Variants in PHC2 observed in about 807,000 individuals in gnomAD.
The protein encoded by PHC2 is polyhomeotic homolog 2, also known as polyhomeotic-like protein 2.
PHC2 carries 29 observed loss-of-function variants against 87.4 expected under a neutral mutation model. That is an observed-to-expected ratio of 0.33 (90% CI 0.25 to 0.45). The LOEUF (loss-of-function observed/expected upper bound fraction) is 0.45, where lower values mean the gene tolerates loss of function less well. Ranked by LOEUF, PHC2 falls within the 20% of genes least tolerant of loss-of-function variation. PHC2 has a pLI of 1.00. For synonymous variants in PHC2, 438 were observed against 461.7 expected (o/e 0.95, Z 0.66); for missense variants, 857 against 1,136.7 (o/e 0.75, Z 3.54).
At chr1:33,375,163 G>A (rs745474163) in intron 2 of PHC2, among the ~76,000 whole-genome samples, 8 of 152,162 alleles carry the variant, frequency 5.3e-5, no homozygotes, top group Non-Finnish European at 1.2e-4. Flanking sequence ...TTTCACACAC[G>A]TGTCCTCCAA....
intron 1 of PHC2, among the ~76,000 whole-genome samples, chr1:33,412,943 CTTGTT>C (rs1650041111): frequency 1.4e-5 from 2 of 145,274 alleles, no homozygotes; most frequent in African/African-American, 5.6e-5. Flanking sequence ...TACATATGGA[CTTGTT>C]TTTTTTTTGT....
intron 9 of PHC2, chr1:33,346,824 A>G: frequency 1.0e-6 from 1 of 985,352 alleles, no homozygotes; most frequent in Non-Finnish European, 1.2e-6. Flanking sequence ...CCCTTTACAC[A>G]TTCACAATAG....
intron 1 of PHC2, among the ~76,000 whole-genome samples, chr1:33,393,377 T>A (rs1557843735): frequency 6.6e-6 from 1 of 151,878 alleles, no homozygotes; most frequent in Non-Finnish European, 1.5e-5. Context: ...AGTGCATTCT[T>A]CCTGGTGCTG....
intron 1 of PHC2, among the ~76,000 whole-genome samples, chr1:33,427,136 T>A (rs542739625): frequency 6.6e-6 from 1 of 152,304 alleles, no homozygotes; most frequent in African/African-American, 2.4e-5. Context: ...GGCAATTTAC[T>A]TAGTCTTTCC....
intron 5 of PHC2, 71 bp downstream of exon 5, chr1:33,370,343 TCCAGCTC>T (rs1168387207): frequency 3.6e-6 from 5 of 1,404,148 alleles, no homozygotes; most frequent in South Asian, 2.6e-5. Flanking sequence ...CCCACCCTTC[TCCAGCTC>T]CCAGCTCCCA....
chr1:33,401,980 A>C (rs1570508755), intron 1 of PHC2, among the ~76,000 whole-genome samples: 1 of 152,334 alleles, frequency 6.6e-6, no homozygotes, highest in East Asian at 1.9e-4. Context: ...GATACATTTG[A>C]CTACATTAAA....
At position 33,416,975 on chromosome 1, in the gene PHC2, A is replaced by G. The variant is rs191691324; in HGVS notation, c.-55+14001T>C. On this transcript the variant is annotated intron_variant, in intron 1 of 14. Transcript: ENST00000683057. ...AACATGTTAAATAAAATACATGACAATAACTCAAAGGACCAGAAGGGAAAA... is the reference window on the plus strand; with the variant it reads ...AACATGTTAAATAAAATACATGACAGTAACTCAAAGGACCAGAAGGGAAAA... Among the ~76,000 whole-genome samples the G allele has an allele frequency of 2.6e-5, 4 of 152,268 alleles. No homozygotes were observed. The East Asian group carries it at 5.8e-4, about 22-fold the overall frequency.
intron 1 of PHC2, among the ~76,000 whole-genome samples, chr1:33,417,982 G>A (rs963857077): frequency 6.6e-6 from 1 of 152,026 alleles, no homozygotes; most frequent in African/African-American, 2.4e-5. Flanking sequence ...AATAACTCAT[G>A]GGTCAAAGAA....
At chr1:33,330,919 C>T (rs185934587) in intron 12 of PHC2, among the ~76,000 whole-genome samples, 24 of 152,356 alleles carry the variant, frequency 1.6e-4, no homozygotes, top group Middle Eastern at 3.4e-3. Flanking sequence ...TTGACTGGCA[C>T]AGTGACTAGC....
chr1:33,395,892 G>A (rs1361583076), intron 1 of PHC2, among the ~76,000 whole-genome samples: 2 of 152,080 alleles, frequency 1.3e-5, no homozygotes, highest in Non-Finnish European at 2.9e-5. Flanking sequence ...CTGAAACATT[G>A]GAATAAATGT....
At chr1:33,329,332 T>C (rs1646438710) in intron 13 of PHC2, among the ~76,000 whole-genome samples, 186 bp from the exon 14 acceptor site, 2 of 152,208 alleles carry the variant, frequency 1.3e-5, no homozygotes, top group African/African-American at 4.8e-5. Context: ...CTTAGTATTG[T>C]AGTGTCTACC....
rs1369580037 is a variant in PHC2 at position 33,382,498 on chromosome 1, CCCATT to C, written c.-54-6910_-54-6906del. On this transcript the variant is annotated intron_variant, in intron 1 of 14. Transcript: ENST00000683057. This position sits in a 1 kb window ranked among gnomAD's most constrained non-coding sequence, Gnocchi z 4.3. Reference sequence around the variant, plus strand: ...CCAAGGCCACCCATCCCTGCGGACTCCCATTATAAATCACAGCCAAATCTCATTAA... The same window carrying C: ...CCAAGGCCACCCATCCCTGCGGACTCATAAATCACAGCCAAATCTCATTAA... 1.3e-5 allele frequency among the ~76,000 whole-genome samples: 2 copies of C among 152,158 alleles called. No individual in the cohort carries two copies. Among genetic ancestry groups the C allele is most frequent in the African/African-American group, 4.8e-5 (2 of 41,418 alleles).
chr1:33,410,691 G>A (rs1649947615), intron 1 of PHC2, among the ~76,000 whole-genome samples: 1 of 152,166 alleles, frequency 6.6e-6, no homozygotes, highest in Admixed American at 6.5e-5. Context: ...CTTAATGGAA[G>A]ATTAAATCAG....
At chr1:33,356,868 C>T (rs1647098811) in intron 7 of PHC2, among the ~76,000 whole-genome samples, 1 of 151,918 alleles carries the variant, frequency 6.6e-6, no homozygotes, top group Admixed American at 6.5e-5. Context: ...ACAGGGCGGC[C>T]AGGCAGAGGC....
intron 4 of PHC2, 123 bp from the exon 5 acceptor site, chr1:33,370,708 C>T (rs1477869537): frequency 2.1e-6 from 2 of 970,868 alleles, no homozygotes; most frequent in African/African-American, 1.6e-5. Context: ...TCAGGAACGT[C>T]TGTGGTCCTT....
intron 9 of PHC2, among the ~76,000 whole-genome samples, chr1:33,343,460 CTCTG>C (rs1451493160): frequency 2.5e-5 from 3 of 118,118 alleles, no homozygotes; most frequent in Non-Finnish European, 5.1e-5. Flanking sequence ...CAGAGCAAGA[CTCTG>C]TCTCAAAAAA....
At chr1:33,412,869 G>A (rs1026652119) in intron 1 of PHC2, among the ~76,000 whole-genome samples, 1 of 152,176 alleles carries the variant, frequency 6.6e-6, no homozygotes, top group Non-Finnish European at 1.5e-5. Context: ...TTAGTCACAA[G>A]CCAAAGTAAA....
chr1:33,337,039 T>C (rs1646652323), intron 9 of PHC2, among the ~76,000 whole-genome samples: 1 of 152,260 alleles, frequency 6.6e-6, no homozygotes, highest in Non-Finnish European at 1.5e-5. Context: ...CTAAGAAACA[T>C]CTATTTTATT....
Position 33,364,537 on chromosome 1 carries a change from C to G in PHC2, c.976+2579G>C, listed in dbSNP as rs144023370. Among the ~76,000 whole-genome samples the G allele has an allele frequency of 1.4e-4, 21 of 152,328 alleles. No individual in the cohort carries two copies. The East Asian group carries it at 3.9e-3, about 28-fold the overall frequency. On this transcript the variant is annotated intron_variant, in intron 7 of 14. Coordinates refer to ENST00000683057, the MANE Select transcript of PHC2 (RefSeq NM_001385109.1). This position sits in a 1 kb window ranked among gnomAD's most constrained non-coding sequence, Gnocchi z 4.1. ...GCCCAGGGAACTGTATAGCCCAAGA[C>G]AGGTGCTGCTCCTGGCTGCCGTGCA... is the stretch of plus-strand genomic sequence containing the variant.
Sources: allele counts gnomAD v4.1 joint callset (sites outside exome capture counted in the v4.1 genomes callset), GRCh38; gene constraint gnomAD v4.1.1; non-coding constraint Gnocchi (gnomAD v3.1); transcripts MANE v1.5; gene names NCBI Gene and HGNC (gene_info 2026-07-23, HGNC 2026-07-21).